Variants in RABGAP1L observed in about 807,000 individuals in gnomAD.
The protein encoded by RABGAP1L is RAB GTPase activating protein 1 like.
In RABGAP1L, 63 loss-of-function variants were observed where a neutral mutation model predicts 137.7. The observed-to-expected ratio is 0.46, with a 90% confidence interval of 0.37 to 0.56. The LOEUF (loss-of-function observed/expected upper bound fraction) is 0.56, where lower values mean the gene tolerates loss of function less well. Ranked by LOEUF, RABGAP1L falls within the 20% of genes least tolerant of loss-of-function variation. RABGAP1L has a pLI of 0.00. For synonymous variants in RABGAP1L, 431 were observed against 433.7 expected, an observed-to-expected ratio of 0.99 and a Z score of 0.08; for missense variants, 1,095 against 1,244.0, an observed-to-expected ratio of 0.88 and a Z score of 1.80.
intron 13 of RABGAP1L, among the ~76,000 whole-genome samples, chr1:174,528,952 C>T (rs973333807): frequency 1.4e-5 from 2 of 144,902 alleles, no homozygotes; most frequent in African/African-American, 5.1e-5. Flanking sequence ...GCTTGTTCTA[C>T]TCTTTTGTTG....
intron 15 of RABGAP1L, among the ~76,000 whole-genome samples, chr1:174,697,724 A>G (rs966988602): frequency 1.3e-5 from 2 of 152,206 alleles, no homozygotes; most frequent in African/African-American, 2.4e-5. Context: ...ATTCTTGGCC[A>G]TATATGTTCA....
intron 1 of RABGAP1L, among the ~76,000 whole-genome samples, chr1:174,179,552 AC>A (rs1666185468): frequency 3.5e-5 from 4 of 114,798 alleles, no homozygotes; most frequent in African/African-American, 3.3e-4. Flanking sequence ...GTGCACACAC[AC>A]ACACACACAC....
intron 19 of RABGAP1L, among the ~76,000 whole-genome samples, chr1:174,879,186 C>A (rs1315420426): frequency 6.6e-6 from 1 of 151,560 alleles, no homozygotes; most frequent in Non-Finnish European, 1.5e-5. Context: ...CTGCAACCTC[C>A]GCCTCCCATG....
chr1:174,675,454 G>C (rs374129216), intron 14 of RABGAP1L, among the ~76,000 whole-genome samples: 11 of 151,744 alleles, frequency 7.2e-5, no homozygotes, highest in African/African-American at 1.5e-4. Flanking sequence ...CTATATCTCT[G>C]TTTTGGTACC....
intron 17 of RABGAP1L, among the ~76,000 whole-genome samples, chr1:174,740,548 A>G (rs1184024841): frequency 6.6e-6 from 1 of 152,162 alleles, no homozygotes; most frequent in East Asian, 1.9e-4. Context: ...AACTGTATAT[A>G]TGTGAGTTCT....
chr1:174,874,583 T>C, intron 19 of RABGAP1L: 2 of 559,490 alleles, frequency 3.6e-6, no homozygotes, highest in Non-Finnish European at 4.5e-6. Context: ...ACTGCCTTTT[T>C]TTTTTTTTTT....
At chr1:174,779,144 C>T (rs1046257933) in intron 18 of RABGAP1L, among the ~76,000 whole-genome samples, 3 of 152,178 alleles carry the variant, frequency 2.0e-5, no homozygotes, top group African/African-American at 7.2e-5. Context: ...TTTTCACTCT[C>T]CCATCAAAAG....
chr1:174,347,146 C>T (rs753972336), intron 11 of RABGAP1L, among the ~76,000 whole-genome samples: 2 of 152,104 alleles, frequency 1.3e-5, no homozygotes, highest in Non-Finnish European at 2.9e-5. Flanking sequence ...ATGACCTATC[C>T]TTGTGAATGA....
At chr1:174,188,514 G>T (rs148970357) in intron 1 of RABGAP1L, among the ~76,000 whole-genome samples, 196 of 152,348 alleles carry the variant, frequency 1.3e-3, no homozygotes, top group Non-Finnish European at 2.5e-3. Context: ...TATGTCAAGT[G>T]TTGTATAAGC....
In RABGAP1L at chr1:174,877,296, G is replaced by A. The variant is rs1004523045; in HGVS notation, c.2340+65336G>A. 1.3e-5 allele frequency: 12 copies of A among 936,394 alleles called. No homozygotes were observed. The African/African-American group carries it at 1.8e-4, about 14-fold the overall frequency. The allele number at this position is 936,394 out of a possible 1,614,324, so 58.0% of individuals were successfully genotyped here. Reference sequence around the variant, plus strand: ...AAACCTCTTTTAGTTTCCTACTGGGGGTGAATTGCTAGCCAAGCCTGTGAT... The same window carrying A: ...AAACCTCTTTTAGTTTCCTACTGGGAGTGAATTGCTAGCCAAGCCTGTGAT... On this transcript the variant is annotated intron_variant, in intron 19 of 25. Coordinates refer to ENST00000681986, the MANE Select transcript of RABGAP1L (RefSeq NM_001366446.1).
At chr1:174,413,977 C>T (rs907713399) in intron 13 of RABGAP1L, among the ~76,000 whole-genome samples, 22 of 152,126 alleles carry the variant, frequency 1.4e-4, no homozygotes, top group African/African-American at 4.8e-4. Context: ...TCTGCCCACA[C>T]GTCCCCTGAT....
chr1:174,334,248 A>G (rs887267845), intron 11 of RABGAP1L, among the ~76,000 whole-genome samples: 1 of 152,156 alleles, frequency 6.6e-6, no homozygotes, highest in African/African-American at 2.4e-5. Flanking sequence ...GGCGGCTTTT[A>G]GGCTCCAAGT....
At chr1:174,586,663 T>A (rs1193282394) in intron 13 of RABGAP1L, among the ~76,000 whole-genome samples, 3 of 152,138 alleles carry the variant, frequency 2.0e-5, no homozygotes, top group African/African-American at 7.2e-5. Flanking sequence ...AATGGCACGA[T>A]CTTGGCTCAC....
chr1:174,376,201 GAAGA>G (rs983875557), intron 12 of RABGAP1L, among the ~76,000 whole-genome samples: 51 of 150,410 alleles, frequency 3.4e-4, no homozygotes, highest in African/African-American at 1.1e-3. Flanking sequence ...GGAAAGAAAG[GAAGA>G]AAGAAAGAGA....
At chr1:174,689,254 GA>G (rs1445710949) in intron 15 of RABGAP1L, among the ~76,000 whole-genome samples, 1 of 151,870 alleles carries the variant, frequency 6.6e-6, no homozygotes. Context: ...AAGTAAATAA[GA>G]AGCAGAACTA....
Position 174,375,932 on chromosome 1 carries a change from G to T in RABGAP1L, c.1559+4860G>T, listed in dbSNP as rs995925549. ...ATATCAAAAAAATTAGCCAGGCATG[G>T]TGGTGTGCACCTGTAATCTCAGCTA... On this transcript the variant is annotated intron_variant, in intron 12 of 25. Coordinates refer to ENST00000681986, the MANE Select transcript of RABGAP1L (RefSeq NM_001366446.1). 2.0e-5 allele frequency among the ~76,000 whole-genome samples: 3 copies of T among 152,024 alleles called. No homozygotes were observed. The South Asian group carries it at 6.2e-4, about 32-fold the overall frequency.
intron 6 of RABGAP1L, 65 bp downstream of exon 6, chr1:174,250,697 G>A (rs1312684651): frequency 1.6e-5 from 23 of 1,444,920 alleles, no homozygotes; most frequent in Non-Finnish European, 1.8e-5. Flanking sequence ...CGCATATAAA[G>A]TTTCAAGAAA....
At chr1:174,415,992 A>G (rs937805476) in intron 13 of RABGAP1L, among the ~76,000 whole-genome samples, 2 of 147,032 alleles carry the variant, frequency 1.4e-5, no homozygotes, top group East Asian at 1.9e-4. Flanking sequence ...TAAATTAAGT[A>G]CTTAAGGAAT....
intron 14 of RABGAP1L, among the ~76,000 whole-genome samples, chr1:174,656,824 A>T (rs1187747691): frequency 1.3e-5 from 2 of 152,196 alleles, no homozygotes; most frequent in African/African-American, 4.8e-5. Context: ...TTCTGGAACC[A>T]GTAAGTCTAC....
Sources: gnomAD v4.1 joint callset for allele counts (sites outside exome capture counted in the v4.1 genomes callset) on GRCh38, gnomAD v4.1.1 for gene constraint, MANE v1.5 for transcripts, NCBI Gene and HGNC (gene_info 2026-07-23, HGNC 2026-07-21) for gene names.